Variants in MAP3K20 observed in about 807,000 individuals in gnomAD.
MAP3K20 encodes the protein mitogen-activated protein kinase kinase kinase 20.
MAP3K20 carries 40 observed loss-of-function variants against 85.7 expected under a neutral mutation model. The observed-to-expected ratio is 0.47, with a 90% confidence interval of 0.36 to 0.61. The LOEUF is 0.61. Among genes scored for constraint, MAP3K20 ranks in the 20% least tolerant of loss-of-function variants. The probability of loss-of-function intolerance (pLI) is 0.00; values close to 1 mark genes in which losing one functional copy is unlikely to be tolerated. For synonymous variants in MAP3K20, 325 were observed against 327.7 expected (o/e 0.99, Z 0.09); for missense variants, 817 against 961.7 (o/e 0.85, Z 1.99).
chr2:173,169,777 G>A, intron 2 of MAP3K20, 28 bp from the exon 3 acceptor site: 2 of 1,592,952 alleles, frequency 1.3e-6, no homozygotes, highest in Non-Finnish European at 1.7e-6. Flanking sequence ...GAAATGTTAT[G>A]CAACTTTGCA....
chr2:173,253,238 G>A (rs952074878), intron 16 of MAP3K20, among the ~76,000 whole-genome samples: 2 of 152,164 alleles, frequency 1.3e-5, no homozygotes, highest in African/African-American at 4.8e-5. Flanking sequence ...TTGGAGCTGT[G>A]TTGGTGACCA....
chr2:173,134,409 T>C (rs1688723345), intron 2 of MAP3K20, among the ~76,000 whole-genome samples: 3 of 9,732 alleles, frequency 3.1e-4, no homozygotes, highest in African/African-American at 1.0e-3. Flanking sequence ...TATATATATA[T>C]ATATATATAT....
chr2:173,110,635 A>G (rs1687944163), intron 2 of MAP3K20, among the ~76,000 whole-genome samples: 1 of 151,926 alleles, frequency 6.6e-6, no homozygotes, highest in Non-Finnish European at 1.5e-5. Flanking sequence ...TTGCGTCCTC[A>G]TAGCTTAGCT....
intron 14 of MAP3K20, among the ~76,000 whole-genome samples, chr2:173,233,003 A>C (rs1684559102): frequency 6.6e-6 from 1 of 152,224 alleles, no homozygotes; most frequent in Non-Finnish European, 1.5e-5. Context: ...AGTAGGACTC[A>C]CAGGGAGATA....
At chr2:173,163,847 C>A (rs1309256856) in intron 2 of MAP3K20, among the ~76,000 whole-genome samples, 4 of 152,110 alleles carry the variant, frequency 2.6e-5, no homozygotes, top group Non-Finnish European at 5.9e-5. Context: ...GTTTTAAGTT[C>A]TTTGAGAAAT....
At chr2:173,243,273 G>A (rs1684835488) in intron 16 of MAP3K20, among the ~76,000 whole-genome samples, 1 of 152,108 alleles carries the variant, frequency 6.6e-6, no homozygotes, top group South Asian at 2.1e-4. Flanking sequence ...GGTGAGGGAG[G>A]GTCCTTGAAG....
rs1257030258 is a variant in MAP3K20 at position 173,205,118 on chromosome 2, A to T, written c.744+1248A>T. Among the ~76,000 whole-genome samples, 231 of 92,262 alleles carry T rather than the reference A, an allele frequency of 2.5e-3. 1 individual carries two copies. The highest frequency in any genetic ancestry group is 8.8e-3 in the African/African-American group (196 of 22,256). The allele number at this position is 92,262 out of a possible 152,430, so 60.5% of individuals were successfully genotyped here. A position where few individuals can be genotyped will look rare whatever the true frequency, so the allele number is the denominator to read the frequency against. On this transcript the variant is annotated intron_variant, in intron 9 of 19. Coordinates refer to ENST00000375213, the MANE Select transcript of MAP3K20 (RefSeq NM_016653.3). ...ACTCTGTCTCAAAAAAAAAAAAAAA[A>T]AAAATAAATAAATAAAATAAAACAT...
At chr2:173,134,426 A>ATTT (rs1457014949) in intron 2 of MAP3K20, among the ~76,000 whole-genome samples, 40 of 4,662 alleles carry the variant, frequency 8.6e-3, no homozygotes, top group East Asian at 0.061. Flanking sequence ...ATATATATAT[A>ATTT]TATTTTTTTT....
chr2:173,179,399 A>AAC (rs1690258783), intron 3 of MAP3K20, among the ~76,000 whole-genome samples: 1 of 151,544 alleles, frequency 6.6e-6, no homozygotes, highest in African/African-American at 2.4e-5. Context: ...CTCAAAAAAA[A>AAC]AAAAAAAGTT....
chr2:173,164,045 C>T (rs1439061751), intron 2 of MAP3K20, among the ~76,000 whole-genome samples: 2 of 151,920 alleles, frequency 1.3e-5, no homozygotes, highest in Non-Finnish European at 2.9e-5. Flanking sequence ...CTGCAACCTC[C>T]GCCTCCCAGG....
In MAP3K20 at chr2:173,261,046, T is replaced by A. The variant is rs753521372; in HGVS notation, c.1477-17T>A. ...ACTGTGTTATGGTACTACACCATCC[T>A]AACTTTTGTTTTTCAGCCACCATTT... On this transcript the variant is annotated splice_polypyrimidine_tract_variant and intron_variant, in intron 17 of 19. Coordinates refer to ENST00000375213, the MANE Select transcript of MAP3K20 (RefSeq NM_016653.3). 1 of 1,612,294 alleles carries A rather than the reference T, an allele frequency of 6.2e-7. No homozygotes were observed. Among genetic ancestry groups the A allele is most frequent in the African/African-American group, 1.3e-5 (1 of 74,902 alleles).
At position 173,182,878 on chromosome 2, in the gene MAP3K20, A is replaced by G. The variant is rs1440132325; in HGVS notation, c.272A>G (p.Tyr91Cys). 3.1e-6 allele frequency: 5 copies of G among 1,608,236 alleles called. No individual in the cohort carries two copies. The highest frequency in any genetic ancestry group is 3.4e-5 in the Admixed American group (2 of 59,126). The change falls in exon 4 of 20, where the codon TAT becomes TGT. Residue 91 changes from tyrosine (Y) to cysteine (C), a missense_variant. Physicochemically the swap from Tyr to Cys is radical, Grantham distance 194. Around this residue, in one of 4 missense-constraint regions of MAP3K20, gnomAD observed 200 missense variants for 302.7 expected, o/e 0.66. Transcript: ENST00000375213. ...GAATATGCTTCTCTGGGATCACTCT[A>G]TGATTACATTAACAGTAACAGAAGT... ...VTEYASLGSL[Y>C]DYINSNRSEE...
intron 16 of MAP3K20, among the ~76,000 whole-genome samples, chr2:173,254,401 T>C (rs1283379595): frequency 3.8e-5 from 5 of 131,880 alleles, no homozygotes; most frequent in African/African-American, 6.1e-5. Context: ...GCCACTGCAC[T>C]CCAGCCTGGG....
chr2:173,144,192 G>T, intron 2 of MAP3K20, among the ~76,000 whole-genome samples: 1 of 151,982 alleles, frequency 6.6e-6, no homozygotes, highest in East Asian at 1.9e-4. Flanking sequence ...GGCCGGGTGT[G>T]GTGGCTCACG....
chr2:173,128,315 A>C (rs1376165990), intron 2 of MAP3K20, among the ~76,000 whole-genome samples: 1 of 74,052 alleles, frequency 1.4e-5, no homozygotes, highest in Non-Finnish European at 3.8e-5. Flanking sequence ...TAGTTGACTT[A>C]TTTATTTATT....
chr2:173,207,146 A>T (rs1683715040), intron 9 of MAP3K20, among the ~76,000 whole-genome samples: 1 of 152,060 alleles, frequency 6.6e-6, no homozygotes. Context: ...AAGGAGAAAA[A>T]AAGGAAAGGT....
chr2:173,212,797 C>CAAAAAAAAAAAA (rs61126157), intron 10 of MAP3K20: 1 of 101,044 alleles, frequency 9.9e-6, no homozygotes, highest in Non-Finnish European at 2.1e-5. Flanking sequence ...AGATCCTATT[C>CAAAAAAAAAAAA]AAAAAAAAAA....
In MAP3K20 at chr2:173,243,895, G is replaced by A. The variant is rs1684856279; in HGVS notation, c.1359+4399G>A. On this transcript the variant is annotated intron_variant, in intron 16 of 19. Transcript: ENST00000375213. ...CCCGCCTCGGCCTCCCAAAGTGCTG[G>A]GATTACAGGCGTGAGTCACTGCGCC... Among the ~76,000 whole-genome samples the A allele has an allele frequency of 2.6e-5, 4 of 152,156 alleles. No homozygotes were observed. The South Asian group carries it at 8.3e-4, about 32-fold the overall frequency.
chr2:173,234,811 G>C (rs1344121477), intron 14 of MAP3K20, among the ~76,000 whole-genome samples: 4 of 152,176 alleles, frequency 2.6e-5, no homozygotes, highest in Non-Finnish European at 5.9e-5. Context: ...ACTTCAGGCT[G>C]GGGGGAAAGA....
Sources: allele counts gnomAD v4.1 joint callset (sites outside exome capture counted in the v4.1 genomes callset), GRCh38; gene constraint gnomAD v4.1.1; regional missense constraint gnomAD v4.1.1; transcripts MANE v1.5; gene names NCBI Gene and HGNC (gene_info 2026-07-23, HGNC 2026-07-21).